PRCP: variants seen among roughly 807,000 people sequenced by gnomAD.
The protein encoded by PRCP is prolylcarboxypeptidase, also known as lysosomal Pro-X carboxypeptidase.
A neutral mutation model predicts 54.2 loss-of-function variants in PRCP; 46 were observed. The ratio of observed to expected loss-of-function variants is 0.85; its 90% confidence interval spans 0.67 to 1.09. The LOEUF (loss-of-function observed/expected upper bound fraction) is 1.09. PRCP is among the 50% of genes least tolerant of loss of function. The probability of loss-of-function intolerance (pLI) is 0.00; values close to 1 mark genes in which losing one functional copy is unlikely to be tolerated. For synonymous variants in PRCP, 240 were observed against 212.2 expected, an observed-to-expected ratio of 1.13 and a Z score of -1.14; for missense variants, 613 against 596.8, an observed-to-expected ratio of 1.03 and a Z score of -0.28.
At chr11:82,826,803 ATCTT>A (rs1858247241) in intron 8 of PRCP, 1 of 152,142 alleles carries the variant, frequency 6.6e-6, no homozygotes, top group South Asian at 2.1e-4. Flanking sequence ...AGGGTTATAT[ATCTT>A]TCTATTTTTG....
intron 1 of PRCP, among the ~76,000 whole-genome samples, chr11:82,888,955 G>A (rs1859932808): frequency 1.3e-5 from 2 of 152,210 alleles, no homozygotes; most frequent in South Asian, 4.1e-4. Flanking sequence ...TGCTTTAAAT[G>A]TAGAATAAGA....
chr11:82,891,029 C>T (rs1859998219), intron 1 of PRCP, among the ~76,000 whole-genome samples: 1 of 152,108 alleles, frequency 6.6e-6, no homozygotes, highest in Non-Finnish European at 1.5e-5. Context: ...TTTTACATAC[C>T]ATCTGTATAC....
intron 6 of PRCP, chr11:82,845,463 C>T (rs951229907): frequency 3.3e-5 from 5 of 152,144 alleles, no homozygotes; most frequent in Non-Finnish European, 5.9e-5. Context: ...TAAGCAGATA[C>T]ATTCAGCTTT....
At chr11:82,870,035 A>C (rs1235859875) in intron 1 of PRCP, among the ~76,000 whole-genome samples, 1 of 152,262 alleles carries the variant, frequency 6.6e-6, no homozygotes, top group Non-Finnish European at 1.5e-5. Context: ...AGGACTAATC[A>C]GCATTTTACC....
At chr11:82,893,946 A>C (rs980665845) in intron 1 of PRCP, among the ~76,000 whole-genome samples, 3 of 152,198 alleles carry the variant, frequency 2.0e-5, no homozygotes, top group African/African-American at 7.2e-5. Context: ...AATGGTAGTA[A>C]ATTACTATCA....
At chr11:82,836,636 C>T (rs1467437663) in intron 8 of PRCP, 1 of 171,896 alleles carries the variant, frequency 5.8e-6, no homozygotes, top group African/African-American at 2.4e-5. Context: ...ATAACCTCCA[C>T]CTCCTGGGCT....
intron 1 of PRCP, among the ~76,000 whole-genome samples, chr11:82,881,741 T>C (rs918461268): frequency 1.1e-4 from 17 of 152,102 alleles, no homozygotes; most frequent in African/African-American, 4.1e-4. Flanking sequence ...TTGGTTTGGA[T>C]GTGAAGGTGA....
chr11:82,885,364 A>G (rs1224515096), intron 1 of PRCP, among the ~76,000 whole-genome samples: 1 of 152,172 alleles, frequency 6.6e-6, no homozygotes. Context: ...CATCACTTTC[A>G]TTGTTCCACA....
chr11:82,825,683 T>G (rs2121041048), intron 8 of PRCP: 1 of 157,178 alleles, frequency 6.4e-6, no homozygotes, highest in South Asian at 1.9e-4. Flanking sequence ...CTGCATTTTT[T>G]ATCTAATATA....
intron 2 of PRCP, among the ~76,000 whole-genome samples, chr11:82,857,720 A>C (rs1468689605): frequency 6.6e-6 from 1 of 152,232 alleles, no homozygotes; most frequent in Non-Finnish European, 1.5e-5. Flanking sequence ...TCGATAAATG[A>C]ACAATTAGAA....
intron 8 of PRCP, chr11:82,836,636 C>A: frequency 5.8e-6 from 1 of 172,014 alleles, no homozygotes; most frequent in South Asian, 1.3e-4. Context: ...ATAACCTCCA[C>A]CTCCTGGGCT....
intron 2 of PRCP, among the ~76,000 whole-genome samples, chr11:82,854,680 C>CAACAAACAAACAAACA (rs59333513): frequency 1.4e-4 from 22 of 151,746 alleles, no homozygotes; most frequent in African/African-American, 3.4e-4. Flanking sequence ...TATAAAACAA[C>CAACAAACAAACAAACA]AACAAACAAA....
At chr11:82,900,006 G>T in intron 1 of PRCP, 1 of 552,206 alleles carries the variant, frequency 1.8e-6, no homozygotes, top group East Asian at 3.3e-5. Context: ...AGAAAAGCCT[G>T]AATCAAGAGT....
chr11:82,839,472 T>A, intron 6 of PRCP, 47 bp from the exon 7 acceptor site: 2 of 1,528,874 alleles, frequency 1.3e-6, no homozygotes, highest in Non-Finnish European at 1.8e-6. Context: ...AATATGAATA[T>A]AAAATGACAG....
chr11:82,865,872 A>G (rs1307765520), intron 1 of PRCP, among the ~76,000 whole-genome samples: 1 of 152,178 alleles, frequency 6.6e-6, no homozygotes, highest in Non-Finnish European at 1.5e-5. Flanking sequence ...TTTATGTTAG[A>G]AGAACACGGG....
At chr11:82,877,005 A>T (rs746286703) in intron 1 of PRCP, among the ~76,000 whole-genome samples, 1 of 152,218 alleles carries the variant, frequency 6.6e-6, no homozygotes, top group Non-Finnish European at 1.5e-5. Context: ...TGATATGAAC[A>T]ACAAGGTCCA....
intron 1 of PRCP, among the ~76,000 whole-genome samples, chr11:82,866,164 A>C (rs1348383065): frequency 2.6e-5 from 4 of 152,254 alleles, no homozygotes; most frequent in Non-Finnish European, 5.9e-5. Flanking sequence ...TGAAGATACC[A>C]GAAAGTATTG....
chr11:82,872,555 A>G (rs1591063260), intron 1 of PRCP, among the ~76,000 whole-genome samples: 1 of 152,232 alleles, frequency 6.6e-6, no homozygotes, highest in South Asian at 2.1e-4. Flanking sequence ...GGAAGCAGAG[A>G]CTGGAGTCAA....
chr11:82,881,401 G>C (rs1047861916), intron 1 of PRCP, among the ~76,000 whole-genome samples: 1 of 152,194 alleles, frequency 6.6e-6, no homozygotes, highest in Admixed American at 6.5e-5. Context: ...ACAAAGTAGA[G>C]CACAGGTAAC....
Sources: gnomAD v4.1 joint callset for allele counts (sites outside exome capture counted in the v4.1 genomes callset) on GRCh38, gnomAD v4.1.1 for gene constraint, MANE v1.5 for transcripts, NCBI Gene and HGNC (gene_info 2026-07-23, HGNC 2026-07-21) for gene names.